Variants in RBM27 observed in about 807,000 individuals in gnomAD.
RBM27 encodes RNA-binding protein 27.
In RBM27, 22 loss-of-function variants were observed where a neutral mutation model predicts 135.3. That is an observed-to-expected ratio of 0.16 (90% CI 0.12 to 0.23). The LOEUF (loss-of-function observed/expected upper bound fraction) is 0.23. RBM27 is among the 10% of genes least tolerant of loss of function. The pLI, the probability that RBM27 is intolerant of heterozygous loss-of-function variation, is 1.00. For missense variants in RBM27, 1,009 were observed against 1,281.0 expected, an observed-to-expected ratio of 0.79 and a Z score of 3.24; for synonymous variants, 481 against 442.4, an observed-to-expected ratio of 1.09 and a Z score of -1.10.
In RBM27 at chr5:146,274,945, C is replaced by A. The variant is rs1056395234; in HGVS notation, c.2988+3271C>A. Among the ~76,000 whole-genome samples the A allele has an allele frequency of 3.3e-5, 5 of 151,684 alleles. No individual in the cohort carries two copies. The South Asian group carries it at 8.3e-4, about 25-fold the overall frequency. ...ACATTGTCTTCTCTCCTTTCACCTGCTCTTCCCTCTCTTCCTCTTTCCTTT... is the reference window on the plus strand; with the variant it reads ...ACATTGTCTTCTCTCCTTTCACCTGATCTTCCCTCTCTTCCTCTTTCCTTT... On this transcript the variant is annotated intron_variant, in intron 19 of 20. Coordinates refer to ENST00000265271, the MANE Select transcript of RBM27 (RefSeq NM_018989.2).
intron 1 of RBM27, among the ~76,000 whole-genome samples, chr5:146,215,089 G>A (rs755188043): frequency 5.3e-5 from 8 of 151,944 alleles, no homozygotes; most frequent in African/African-American, 1.7e-4. Context: ...GCGCTCTATC[G>A]CCCAGGCTGG....
intron 9 of RBM27, among the ~76,000 whole-genome samples, chr5:146,253,271 C>T (rs1446936091): frequency 6.6e-6 from 1 of 152,158 alleles, no homozygotes; most frequent in Non-Finnish European, 1.5e-5. Flanking sequence ...GCTGGAATTA[C>T]AGGCGTGAGC....
Position 146,261,845 on chromosome 5 carries a change from C to T in RBM27, c.2190+39C>T, listed in dbSNP as rs568142017. On this transcript the variant is annotated intron_variant, in intron 13 of 20. Coordinates refer to ENST00000265271, the MANE Select transcript of RBM27 (RefSeq NM_018989.2). ...CTGGGAATTAAAGGTCTTTTAGTTACACCCTCTAGATCAGTATTTTTCAAT... is the reference window on the plus strand; with the variant it reads ...CTGGGAATTAAAGGTCTTTTAGTTATACCCTCTAGATCAGTATTTTTCAAT... 1.1e-5 allele frequency: 18 copies of T among 1,606,110 alleles called. No homozygotes were observed. In the South Asian group the frequency reaches 1.3e-4, roughly 12 times the overall value.
chr5:146,288,918 T>G lies in RBM27; in HGVS notation c.*2888T>G, dbSNP rs1425405245. ...AAGAAAAAAATCATGTGAAAAGGAA[T>G]AGTGGTTCCTCTTGATGTATAGTAT... On this transcript the variant is annotated 3_prime_UTR_variant, in exon 21 of 21. Transcript: ENST00000265271. 1 of 152,008 alleles carries G rather than the reference T, an allele frequency of 6.6e-6. No homozygotes were observed. The allele number at this position is 152,008 out of a possible 1,614,324, so 9.4% of individuals were successfully genotyped here.
intron 19 of RBM27, among the ~76,000 whole-genome samples, chr5:146,274,566 G>A (rs772469843): frequency 2.0e-5 from 3 of 152,154 alleles, no homozygotes; most frequent in Admixed American, 6.5e-5. Flanking sequence ...ACCGTGCCCG[G>A]CCCACACATA....
intron 8 of RBM27, among the ~76,000 whole-genome samples, chr5:146,241,485 AATT>A (rs1581183849): frequency 6.6e-6 from 1 of 152,206 alleles, no homozygotes; most frequent in East Asian, 1.9e-4. Context: ...TGTATTTCCA[AATT>A]ATTATTATTT....
intron 1 of RBM27, among the ~76,000 whole-genome samples, chr5:146,213,142 G>T (rs1395162903): frequency 1.3e-5 from 2 of 151,600 alleles, no homozygotes; most frequent in African/African-American, 4.9e-5. Flanking sequence ...TGCTCTTGTT[G>T]CCCAGGCTGG....
intron 8 of RBM27, among the ~76,000 whole-genome samples, chr5:146,248,958 ATATG>A (rs1168438169): frequency 6.6e-6 from 1 of 152,068 alleles, no homozygotes; most frequent in Non-Finnish European, 1.5e-5. Context: ...ATTTTTCTAT[ATATG>A]TATGTATTTC....
rs768049480 is a variant in RBM27 at position 146,233,752 on chromosome 5, A to G, written c.1144+9A>G. The stretch of plus-strand genomic sequence containing the variant: ...TGTGCTTCCCATACCAAGTAAGTAT[A>G]TATTTGTTGAATTTTTCTCTAGCGT... On this transcript the variant is annotated intron_variant, in intron 7 of 20. Coordinates refer to ENST00000265271, the MANE Select transcript of RBM27 (RefSeq NM_018989.2). The G allele has an allele frequency of 1.9e-5, 26 of 1,372,542 alleles. 1 individual carries two copies. The South Asian group carries it at 5.3e-4, about 28-fold the overall frequency. The allele number at this position is 1,372,542 out of a possible 1,614,324, so 85.0% of individuals were successfully genotyped here.
intron 1 of RBM27, among the ~76,000 whole-genome samples, chr5:146,211,464 C>CTTTTTTATTTTTTTTTTT (rs1755944190): frequency 2.0e-5 from 1 of 49,904 alleles, no homozygotes; most frequent in Non-Finnish European, 3.7e-5. Context: ...ATGGTCTTAT[C>CTTTTTTATTTTTTTTTTT]TTTTTTTTTT....
chr5:146,279,388 A>T (rs1759230841), intron 19 of RBM27, among the ~76,000 whole-genome samples: 1 of 151,842 alleles, frequency 6.6e-6, no homozygotes, highest in Non-Finnish European at 1.5e-5. Context: ...GGCGGGTTAC[A>T]GTGAGCCGAG....
chr5:146,232,885 T>C (rs1435706516), intron 6 of RBM27, among the ~76,000 whole-genome samples: 2 of 152,200 alleles, frequency 1.3e-5, no homozygotes, highest in Non-Finnish European at 2.9e-5. Flanking sequence ...TAGTATTCTT[T>C]ATGTACAAAC....
intron 1 of RBM27, among the ~76,000 whole-genome samples, chr5:146,215,260 G>A (rs1756140839): frequency 6.6e-6 from 1 of 152,080 alleles, no homozygotes; most frequent in South Asian, 2.1e-4. Flanking sequence ...ATGTTGGCCA[G>A]GCTGATCTTG....
chr5:146,276,672 A>G (rs545534422), intron 19 of RBM27, among the ~76,000 whole-genome samples: 1 of 152,224 alleles, frequency 6.6e-6, no homozygotes, highest in Admixed American at 6.5e-5. Flanking sequence ...GCTTTCCAGA[A>G]CAAAAATTAA....
chr5:146,274,898 G>A (rs577926255), intron 19 of RBM27, among the ~76,000 whole-genome samples: 3 of 151,844 alleles, frequency 2.0e-5, no homozygotes, highest in African/African-American at 4.8e-5. Flanking sequence ...TTTTTTGTGA[G>A]GAGATACAGA....
chr5:146,250,643 G>A (rs1313241689), intron 8 of RBM27, among the ~76,000 whole-genome samples: 1 of 151,450 alleles, frequency 6.6e-6, no homozygotes, highest in African/African-American at 2.4e-5. Context: ...TTCATTGTGT[G>A]TGCATTCTTG....
At chr5:146,206,378 T>C (rs1224548586) in intron 1 of RBM27, among the ~76,000 whole-genome samples, 8 of 146,904 alleles carry the variant, frequency 5.4e-5, no homozygotes, top group East Asian at 3.9e-4. Flanking sequence ...TTTTTTTTTT[T>C]CCTTCTTTTT....
Position 146,230,850 on chromosome 5 carries a change from C to A in RBM27, c.783C>A (p.Asn261Lys). ...CTGAGAGTTGGTCTAATTACTATAA[C>A]AATCATAGCTCTTCCAATTCTTTTG... is the stretch of plus-strand genomic sequence containing the variant. ...NTTESWSNYYNNHSSSNSFGR... is the reference protein window; with the variant it reads ...NTTESWSNYYKNHSSSNSFGR... The change falls in exon 6 of 21, where the codon AAC becomes AAA. Residue 261 changes from asparagine to lysine, a missense_variant. By Grantham distance (94) the Asn-to-Lys change is moderately conservative. Coordinates refer to ENST00000265271, the MANE Select transcript of RBM27 (RefSeq NM_018989.2). The A allele has an allele frequency of 6.2e-7, 1 of 1,614,104 alleles. No individual in the cohort carries two copies. Among genetic ancestry groups the A allele is most frequent in the Non-Finnish European group, 8.5e-7 (1 of 1,179,982 alleles).
Position 146,229,780 on chromosome 5 carries a change from T to C in RBM27, c.459T>C (p.Asn153=). Residue 153 remains asparagine, a synonymous_variant, in exon 5 of 21, where the codon AAT becomes AAC. Transcript: ENST00000265271. ...ACTATGACCGGTACTATGAGCGGAA[T>C]GAATTGTACCGTGAGAAGTATGACT... ...WRDYDRYYER[N]ELYREKYDWR... is the part of the protein sequence containing the mutation. 6.2e-7 allele frequency: 1 copy of C among 1,613,108 alleles called. No homozygotes were observed. Among genetic ancestry groups the C allele is most frequent in the South Asian group, 1.1e-5 (1 of 91,056 alleles).
Sources: allele counts gnomAD v4.1 joint callset (sites outside exome capture counted in the v4.1 genomes callset), GRCh38; gene constraint gnomAD v4.1.1; transcripts MANE v1.5; gene names NCBI Gene and HGNC (gene_info 2026-07-23, HGNC 2026-07-21).